Variants in MADD observed in about 807,000 individuals in gnomAD.
The protein encoded by MADD is MAP kinase-activating death domain protein.
A neutral mutation model predicts 176.7 loss-of-function variants in MADD; 109 were observed. That is an observed-to-expected ratio of 0.62 (90% CI 0.53 to 0.72). MADD has a LOEUF of 0.72. Among genes scored for constraint, MADD ranks in the 30% least tolerant of loss-of-function variants. The pLI is 0.00. For synonymous variants in MADD, 771 were observed against 771.3 expected, an observed-to-expected ratio of 1.00 and a Z score of 0.01; for missense variants, 1,914 against 2,045.5, an observed-to-expected ratio of 0.94 and a Z score of 1.24.
At chr11:47,294,752 A>G (rs2069231918) in intron 20 of MADD, among the ~76,000 whole-genome samples, 1 of 151,964 alleles carries the variant, frequency 6.6e-6, no homozygotes, top group African/African-American at 2.4e-5. Flanking sequence ...AATAAGTATA[A>G]TAGATCCATG....
At chr11:47,323,949 C>A in intron 28 of MADD, 114 bp downstream of exon 31, 1 of 1,209,960 alleles carries the variant, frequency 8.3e-7, no homozygotes, top group South Asian at 1.5e-5. Flanking sequence ...ACTTCTGTCT[C>A]CAGCTGTTGG....
chr11:47,327,623 C>G (rs1200196269), intron 31 of MADD: 2 of 985,312 alleles, frequency 2.0e-6, no homozygotes, highest in African/African-American at 3.5e-5. Context: ...ACTTTCCTCC[C>G]CGTGTGTTCC....
At chr11:47,295,904 A>G in exon 22 of MADD, 1 of 1,612,246 alleles carries the variant, frequency 6.2e-7, no homozygotes, top group Non-Finnish European at 8.5e-7. Context: ...CAGGTGAGTA[A>G]TAGCTCTGGA....
At chr11:47,278,669 T>C (rs2053003927) in intron 6 of MADD, among the ~76,000 whole-genome samples, 1 of 152,198 alleles carries the variant, frequency 6.6e-6, no homozygotes, top group South Asian at 2.1e-4. Flanking sequence ...CATTCTGCAA[T>C]GTGAATACAT....
In MADD at chr11:47,274,850, G is replaced by A. The variant is rs77637447; in HGVS notation, c.350G>A (p.Arg117His). Residue 117 changes from arginine (R) to histidine (H), a missense_variant, in exon 3 of 33, where the codon CGT becomes CAT. Arg to His is a conservative substitution (Grantham distance 29). This residue lies in a region of MADD where 1,767 missense variants were observed against 1,836.0 expected (regional missense o/e 0.96). Coordinates refer to ENST00000402192, the Ensembl canonical transcript of MADD. ...AAGGGGGAAGGTGGGGCAGGGTCCC[G>A]TGGGAAGGAAGGAACCCATGCCACC... 6.9e-5 allele frequency: 112 copies of A among 1,614,194 alleles called. 1 individual carries two copies. In the East Asian group the frequency reaches 2.1e-3, roughly 30 times the overall value.
intron 6 of MADD, 149 bp downstream of exon 6, chr11:47,278,427 A>G: frequency 6.4e-6 from 4 of 622,616 alleles, no homozygotes; most frequent in Non-Finnish European, 1.1e-5. Flanking sequence ...AAGTTTTTTT[A>G]AATGCTCCTT....
chr11:47,327,692 G>A, intron 31 of MADD: 2 of 985,440 alleles, frequency 2.0e-6, no homozygotes, highest in Non-Finnish European at 2.4e-6. Flanking sequence ...AGAATGGCCT[G>A]GGGCTTCTTG....
chr11:47,295,018 T>C (rs1055274755), intron 20 of MADD, among the ~76,000 whole-genome samples: 7 of 55,364 alleles, frequency 1.3e-4, no homozygotes, highest in Non-Finnish European at 2.3e-4. Flanking sequence ...TGTTTTTTTG[T>C]TTTTTTTTTT....
chr11:47,276,733 T>C, exon 5 of MADD: 1 of 1,614,100 alleles, frequency 6.2e-7, no homozygotes, highest in Non-Finnish European at 8.5e-7. Context: ...TCATGACAGG[T>C]GGTGCTACAG....
chr11:47,304,174 A>G (rs896034777), intron 22 of MADD, among the ~76,000 whole-genome samples: 3 of 151,268 alleles, frequency 2.0e-5, no homozygotes, highest in African/African-American at 7.3e-5. Context: ...ATCTTCAAAT[A>G]TAGAGTCATT....
chr11:47,328,186 G>A (rs956292670), intron 31 of MADD: 10 of 1,048,058 alleles, frequency 9.5e-6, no homozygotes, highest in South Asian at 3.5e-5. Context: ...TGGGAATAAC[G>A]GGAACTGTGT....
chr11:47,315,750 T>A (rs886624512), intron 27 of MADD, among the ~76,000 whole-genome samples: 84 of 151,752 alleles, frequency 5.5e-4, no homozygotes, highest in African/African-American at 1.7e-3. Context: ...GCTGGTATTA[T>A]AGGCATGAGC....
At chr11:47,293,304 CTTTT>C (rs796151719) in intron 19 of MADD, among the ~76,000 whole-genome samples, 2 of 138,912 alleles carry the variant, frequency 1.4e-5, no homozygotes, top group Admixed American at 7.2e-5. Flanking sequence ...TGGAGCTTTT[CTTTT>C]TTTTTTTTTT....
intron 22 of MADD, among the ~76,000 whole-genome samples, chr11:47,301,449 T>C (rs1162932281): frequency 2.0e-5 from 3 of 152,182 alleles, no homozygotes; most frequent in Admixed American, 2.0e-4. Context: ...TTATTTCTGC[T>C]CTGATCTTGA....
At chr11:47,279,142 C>G in intron 7 of MADD, 63 bp downstream of exon 7, 1 of 1,467,624 alleles carries the variant, frequency 6.8e-7, no homozygotes, top group Non-Finnish European at 9.4e-7. Flanking sequence ...TATAAGAAGA[C>G]AGCTATTCTC....
intron 27 of MADD, among the ~76,000 whole-genome samples, chr11:47,321,046 C>T (rs1163042113): frequency 1.3e-5 from 2 of 152,150 alleles, no homozygotes; most frequent in South Asian, 2.1e-4. Context: ...AGCTTATATA[C>T]GTTTAAAATT....
intron 27 of MADD, among the ~76,000 whole-genome samples, chr11:47,319,098 A>G (rs7120957): frequency 0.39 from 57,113 of 146,672 alleles, 11,929 homozygotes; most frequent in East Asian, 0.69. Flanking sequence ...GTGAGCTGCC[A>G]CACCTGGCCA....
intron 8 of MADD, 85 bp from the exon 9 acceptor site, chr11:47,282,296 T>C: frequency 9.5e-7 from 1 of 1,050,716 alleles, no homozygotes; most frequent in South Asian, 1.3e-5. Context: ...TGTTAAGTGA[T>C]GGCTTTGGGA....
rs17854010 is a variant in MADD at position 47,296,049 on chromosome 11, C to T, written c.3636C>T (p.Thr1212=). The T allele has an allele frequency of 3.7e-6, 6 of 1,612,654 alleles. No homozygotes were observed. The African/African-American group carries it at 6.7e-5, about 18-fold the overall frequency. The change falls in exon 22 of 33, where the codon ACC becomes ACT. Residue 1212 remains threonine (T), a synonymous_variant. Transcript: ENST00000402192. ...TTGAGACCAACTCTGCCACAAGCAC[C>T]ATCTTTGTAAGCTTTGTTTATTAAC...
Sources: allele counts gnomAD v4.1 joint callset (sites outside exome capture counted in the v4.1 genomes callset), GRCh38; gene constraint gnomAD v4.1.1; regional missense constraint gnomAD v4.1.1; transcripts MANE v1.5; gene names NCBI Gene and HGNC (gene_info 2026-07-23, HGNC 2026-07-21).